CDHR3: variants seen among roughly 807,000 people sequenced by gnomAD.
CDHR3 encodes cadherin related family member 3, also known as cadherin-related family member 3.
CDHR3 carries 79 observed loss-of-function variants against 86.6 expected under a neutral mutation model. The ratio of observed to expected loss-of-function variants is 0.91; its 90% CI spans 0.76 to 1.10. The LOEUF (loss-of-function observed/expected upper bound fraction) is 1.10. Among genes scored for constraint, CDHR3 ranks in the 50% least tolerant of loss-of-function variants. CDHR3 has a pLI of 0.00. For synonymous variants in CDHR3, 421 were observed against 402.4 expected (o/e 1.05, Z -0.55); for missense variants, 1,081 against 1,077.6 (o/e 1.00, Z -0.04).
intron 3 of CDHR3, among the ~76,000 whole-genome samples, chr7:105,982,246 A>G (rs541405506): frequency 6.6e-6 from 1 of 152,228 alleles, no homozygotes; most frequent in Admixed American, 6.5e-5. Flanking sequence ...AGGCAGGTGG[A>G]TCACGAGGTC....
chr7:106,023,161 C>A (rs1382293308), intron 14 of CDHR3, among the ~76,000 whole-genome samples: 1 of 152,194 alleles, frequency 6.6e-6, no homozygotes, highest in Non-Finnish European at 1.5e-5. Flanking sequence ...GGTTACCCAA[C>A]CATGATCATC....
At chr7:105,973,748 C>T (rs908901673) in intron 1 of CDHR3, among the ~76,000 whole-genome samples, 2 of 152,186 alleles carry the variant, frequency 1.3e-5, no homozygotes, top group African/African-American at 4.8e-5. Context: ...AGGTGGATCA[C>T]TTGAGGCCAG....
chr7:105,988,332 T>C (rs1282083894), intron 4 of CDHR3, among the ~76,000 whole-genome samples: 1 of 152,232 alleles, frequency 6.6e-6, no homozygotes, highest in Admixed American at 6.5e-5. Flanking sequence ...GTGATTCTGA[T>C]GTACCATGTA....
At chr7:106,028,328 T>C (rs1337121757) in intron 16 of CDHR3, 2 of 565,648 alleles carry the variant, frequency 3.5e-6, no homozygotes, top group Non-Finnish European at 3.2e-6. Context: ...ACAACTAAAT[T>C]GTTCGTATGT....
intron 18 of CDHR3, among the ~76,000 whole-genome samples, chr7:106,031,327 T>G (rs1469252697): frequency 6.6e-6 from 1 of 152,198 alleles, no homozygotes; most frequent in Non-Finnish European, 1.5e-5. Flanking sequence ...TTCCTCTTGG[T>G]CGGCAAGATG....
At chr7:105,994,001 G>C (rs1442447661) in intron 4 of CDHR3, among the ~76,000 whole-genome samples, 3 of 152,224 alleles carry the variant, frequency 2.0e-5, no homozygotes, top group South Asian at 2.1e-4. Flanking sequence ...CCACGTGCCA[G>C]GGATTAGATT....
Position 106,032,409 on chromosome 7 carries a change from T to C in CDHR3, c.2370T>C (p.Tyr790=), listed in dbSNP as rs1400411313. ...TTTCACTAGTGACCGGGGAAACATATGAATTCAACTCAAAAACTGGAGCCA... is the reference window on the plus strand; with the variant it reads ...TTTCACTAGTGACCGGGGAAACATACGAATTCAACTCAAAAACTGGAGCCA... ...EAIDPVTGET[Y]EFNSKTGARK... is the part of the protein sequence containing the mutation. Residue 790 remains tyrosine (Y), a synonymous_variant, in exon 19 of 19, where the codon TAT becomes TAC. Transcript: ENST00000317716. The C allele has an allele frequency of 6.2e-6, 10 of 1,609,664 alleles. No individual in the cohort carries two copies. Among genetic ancestry groups the C allele is most frequent in the Non-Finnish European group, 7.6e-6 (9 of 1,177,074 alleles).
intron 1 of CDHR3, among the ~76,000 whole-genome samples, chr7:105,969,086 T>A: frequency 7.5e-6 from 1 of 133,042 alleles, no homozygotes. Flanking sequence ...AGACTCCGTC[T>A]CAAAATAAAA....
intron 14 of CDHR3, 50 bp downstream of exon 14, chr7:106,022,498 T>A (rs750749607): frequency 1.2e-5 from 19 of 1,588,116 alleles, no homozygotes; most frequent in Middle Eastern, 1.7e-4. Flanking sequence ...TTGTGAGTTA[T>A]GTTGATGGAC....
At chr7:106,018,184 T>C in intron 12 of CDHR3, 112 bp downstream of exon 12, 1 of 762,856 alleles carries the variant, frequency 1.3e-6, no homozygotes, top group Admixed American at 2.7e-5. Context: ...GGGTACATCC[T>C]GCGGATGTGG....
At chr7:105,983,077 T>G (rs1363278066) in intron 3 of CDHR3, among the ~76,000 whole-genome samples, 7 of 151,868 alleles carry the variant, frequency 4.6e-5, no homozygotes, top group Non-Finnish European at 1.0e-4. Flanking sequence ...GTAACCCAAC[T>G]CACACTTCCT....
At chr7:105,983,937 G>A (rs913903714) in intron 3 of CDHR3, among the ~76,000 whole-genome samples, 3 of 152,094 alleles carry the variant, frequency 2.0e-5, no homozygotes, top group Non-Finnish European at 4.4e-5. Context: ...ATCACCCTGG[G>A]GCACCTCTCA....
intron 14 of CDHR3, among the ~76,000 whole-genome samples, chr7:106,023,703 T>C (rs1294850233): frequency 1.3e-5 from 2 of 152,152 alleles, no homozygotes; most frequent in African/African-American, 4.8e-5. Context: ...GGTTCATGCT[T>C]CTCTCTCCCA....
intron 6 of CDHR3, among the ~76,000 whole-genome samples, chr7:106,000,945 C>T (rs1833071755): frequency 7.0e-6 from 1 of 141,948 alleles, no homozygotes; most frequent in African/African-American, 2.6e-5. Context: ...AGTGAGCAAA[C>T]ACATGAGAAT....
At chr7:105,978,289 G>T (rs567139690) in intron 2 of CDHR3, among the ~76,000 whole-genome samples, 1 of 152,334 alleles carries the variant, frequency 6.6e-6, no homozygotes, top group South Asian at 2.1e-4. Context: ...GGCCAGGGAA[G>T]AGTGACTGCC....
intron 11 of CDHR3, 63 bp downstream of exon 11, chr7:106,016,088 T>C (rs1442259543): frequency 8.8e-7 from 1 of 1,135,398 alleles, no homozygotes; most frequent in Admixed American, 2.0e-5. Context: ...ACGTGTGTTC[T>C]GTGGAGTGGA....
chr7:106,015,740 C>G, intron 10 of CDHR3, 187 bp from the exon 11 acceptor site: 1 of 640,618 alleles, frequency 1.6e-6, no homozygotes, highest in African/African-American at 1.8e-5. Flanking sequence ...CTGTAGTGCT[C>G]TGTGTGCTCA....
chr7:106,018,084 T>C lies in CDHR3; in HGVS notation c.1653+12T>C. On this transcript the variant is annotated intron_variant, in intron 12 of 18. Transcript: ENST00000317716. Reference sequence around the variant, plus strand: ...CAAGCTCTGTCACTGTGAGTGGTGCTGCTTGGTATAGTGCCGGTAACCCAA... The same window carrying C: ...CAAGCTCTGTCACTGTGAGTGGTGCCGCTTGGTATAGTGCCGGTAACCCAA... The C allele has an allele frequency of 1.9e-6, 3 of 1,610,004 alleles. No homozygotes were observed. The highest frequency in any genetic ancestry group is 1.3e-5 in the African/African-American group (1 of 74,978).
intron 3 of CDHR3, among the ~76,000 whole-genome samples, chr7:105,982,240 A>G (rs990379245): frequency 6.6e-6 from 1 of 151,800 alleles, no homozygotes; most frequent in East Asian, 1.9e-4. Flanking sequence ...AGGCCGAGGC[A>G]GGTGGATCAC....
Sources: gnomAD v4.1 joint callset for allele counts (sites outside exome capture counted in the v4.1 genomes callset) on GRCh38, gnomAD v4.1.1 for gene constraint, MANE v1.5 for transcripts, NCBI Gene and HGNC (gene_info 2026-07-23, HGNC 2026-07-21) for gene names.